LRRC56: variants seen among roughly 807,000 people sequenced by gnomAD.
The protein encoded by LRRC56 is leucine rich repeat containing 56.
Under a neutral mutation model 47.8 loss-of-function variants are expected in LRRC56, and 41 were observed. The observed-to-expected ratio is 0.86, with a 90% CI of 0.67 to 1.11. The LOEUF is 1.11. Among genes scored for constraint, LRRC56 ranks in the 50% most tolerant of loss-of-function variants. LRRC56 has a pLI of 0.00. For missense variants in LRRC56, 759 were observed against 704.2 expected (o/e 1.08, Z -0.88); for synonymous variants, 387 against 311.2 (o/e 1.24, Z -2.56).
chr11:540,439 G>T (rs1357150733), intron 3 of LRRC56, among the ~76,000 whole-genome samples: 1 of 152,164 alleles, frequency 6.6e-6, no homozygotes, highest in Non-Finnish European at 1.5e-5. Context: ...AAGCAGAGGG[G>T]GTCGAGCCAA....
At chr11:533,794 T>C, upstream of LRRC56, 1 of 1,613,378 alleles carries the variant, frequency 6.2e-7, no homozygotes, top group Non-Finnish European at 8.5e-7. Flanking sequence ...TCAAAAGACT[T>C]GGTGTTGTTG....
rs1021284540 is a variant in LRRC56, at chr11:552,652, T to C, written c.1265T>C (p.Val422Ala). 1 of 1,611,676 alleles carries C rather than the reference T, an allele frequency of 6.2e-7. No individual in the cohort carries two copies. Among genetic ancestry groups the C allele is most frequent in the African/African-American group, 1.3e-5 (1 of 75,010 alleles). The stretch of plus-strand genomic sequence containing the variant: ...CCACGGAGGGTCCCTGAAGAGCAAG[T>C]GCACCAGGCAGAGCCCAAGACTCCC... ...WGPRRVPEEQ[V>A]HQAEPKTPSS... The change falls in exon 13 of 14, where the codon GTG becomes GCG. Residue 422 changes from valine to alanine, a missense_variant. Physicochemically the swap from Val to Ala is moderately conservative, Grantham distance 64. Transcript: ENST00000270115.
At chr11:519,047 C>A in the LRRC56 span, among the ~76,000 whole-genome samples, 1 of 152,258 alleles carries the variant, frequency 6.6e-6, no homozygotes, top group East Asian at 1.9e-4. Context: ...AGGGCAGCTC[C>A]CGTGTGTCCG....
the LRRC56 span, among the ~76,000 whole-genome samples, chr11:521,954 T>A: frequency 0.23 from 34,327 of 151,378 alleles, 4,252 homozygotes; most frequent in African/African-American, 0.33. Flanking sequence ...AAAACAGCTC[T>A]CATAACCCAA....
the LRRC56 span, among the ~76,000 whole-genome samples, chr11:514,348 A>G: frequency 2.6e-5 from 4 of 151,070 alleles, no homozygotes; most frequent in Admixed American, 1.3e-4. Context: ...GTGCAGTGAC[A>G]TTATCTCGGC....
the LRRC56 span, among the ~76,000 whole-genome samples, chr11:510,574 C>T: frequency 6.6e-6 from 1 of 151,960 alleles, no homozygotes; most frequent in African/African-American, 2.4e-5. Flanking sequence ...CCCGTCTCTA[C>T]TAATAATACA....
intron 6 of LRRC56, among the ~76,000 whole-genome samples, 167 bp from the exon 7 acceptor site, chr11:549,735 A>G (rs1224657678): frequency 3.9e-5 from 6 of 152,364 alleles, no homozygotes; most frequent in Admixed American, 3.9e-4. Flanking sequence ...GGTGGGGGAC[A>G]CTGTACCCAC....
chr11:552,360 G>C lies in LRRC56; in HGVS notation c.1181+128G>C, dbSNP rs924304796. The C allele has an allele frequency of 7.4e-6, 10 of 1,351,806 alleles. No homozygotes were observed. In the African/African-American group the frequency reaches 1.2e-4, roughly 16 times the overall value. The allele number at this position is 1,351,806 out of a possible 1,614,324, so 83.7% of individuals were successfully genotyped here. A position where few individuals can be genotyped will look rare whatever the true frequency, so the allele number is the denominator to read the frequency against. On this transcript the variant is annotated intron_variant, in intron 12 of 13. Coordinates refer to ENST00000270115, the MANE Select transcript of LRRC56 (RefSeq NM_198075.4). ...ACCATCCCTGCATGTCCTGTCCCGT[G>C]GGGGGATCAGGGCTGGGGCTACCTT...
chr11:552,525 TG>T, intron 12 of LRRC56, 43 bp from the exon 13 acceptor site: 1 of 1,538,472 alleles, frequency 6.5e-7, no homozygotes, highest in Non-Finnish European at 8.9e-7. Flanking sequence ...TCCTGTCCCG[TG>T]GGGGGATCAG....
the LRRC56 span, among the ~76,000 whole-genome samples, chr11:508,300 G>T: frequency 1.3e-5 from 2 of 152,188 alleles, no homozygotes; most frequent in Non-Finnish European, 2.9e-5. Flanking sequence ...CAAGTAGCTG[G>T]TACCACAGGC....
the LRRC56 span, among the ~76,000 whole-genome samples, chr11:531,034 G>C: frequency 1.7e-4 from 12 of 69,810 alleles, no homozygotes; most frequent in Middle Eastern, 7.0e-3. Context: ...GACAGAAGGG[G>C]GAGTGTGGCG....
chr11:518,847 C>T, the LRRC56 span, among the ~76,000 whole-genome samples: 1 of 151,784 alleles, frequency 6.6e-6, no homozygotes, highest in African/African-American at 2.4e-5. Flanking sequence ...GCCCCGAACG[C>T]GCGAGCGAGG....
the LRRC56 span, among the ~76,000 whole-genome samples, chr11:525,366 C>T: frequency 2.6e-5 from 4 of 151,824 alleles, no homozygotes; most frequent in Non-Finnish European, 5.9e-5. Context: ...GGTGAAGCCC[C>T]ATCTCTACTA....
upstream of LRRC56, chr11:532,881 G>T: frequency 1.1e-6 from 1 of 918,860 alleles, no homozygotes; most frequent in Non-Finnish European, 1.7e-6. Flanking sequence ...CACTTCCCCA[G>T]GCCCACCACA....
In LRRC56 at chr11:554,122, G is replaced by A. The variant is rs1419329813; in HGVS notation, c.1475G>A (p.Gly492Glu). The A allele has an allele frequency of 1.2e-6, 2 of 1,604,740 alleles. No homozygotes were observed. The highest frequency in any genetic ancestry group is 1.7e-6 in the Non-Finnish European group (2 of 1,177,822). Residue 492 changes from glycine to glutamate, a missense_variant, in exon 14 of 14, where the codon GGG becomes GAG. By Grantham distance (98) the Gly-to-Glu change is moderately conservative. Coordinates refer to ENST00000270115, the MANE Select transcript of LRRC56 (RefSeq NM_198075.4). ...AGCTGGGGGCCTGGCCTGGGTGATG[G>A]GGTGGCTGCAGTGCCTGTCCTGAGA... ...LGSWGPGLGD[G>E]VAAVPVLRAL...
At chr11:535,038 T>C (rs1418019455), upstream of LRRC56, among the ~76,000 whole-genome samples, 1 of 151,958 alleles carries the variant, frequency 6.6e-6, no homozygotes, top group African/African-American at 2.4e-5. Context: ...CCCGGCCTGG[T>C]CCGCGACCTG....
upstream of LRRC56, chr11:533,229 AC>A (rs1851215635): frequency 6.8e-7 from 1 of 1,472,464 alleles, no homozygotes; most frequent in African/African-American, 1.4e-5. Flanking sequence ...GTGAGCCCAG[AC>A]CCCGGCCCTC....
chr11:533,752 C>T (rs780757384), upstream of LRRC56: 2 of 1,613,094 alleles, frequency 1.2e-6, no homozygotes, highest in Admixed American at 1.7e-5. Context: ...CCGGGCCAGC[C>T]TCACGGGGTT....
At position 544,795 on chromosome 11, in the gene LRRC56, G is replaced by C. The variant is rs763438057; in HGVS notation, c.326+15G>C. The C allele has an allele frequency of 3.1e-6, 5 of 1,611,250 alleles. No homozygotes were observed. The highest frequency in any genetic ancestry group is 1.1e-5 in the South Asian group (1 of 91,034). Reference sequence around the variant, plus strand: ...GGCTCCCTGAGGTGAGCGCCTGAGGGGGGTGGGCTGGGGCCCTGCCATGAG... The same window carrying C: ...GGCTCCCTGAGGTGAGCGCCTGAGGCGGGTGGGCTGGGGCCCTGCCATGAG... On this transcript the variant is annotated intron_variant, in intron 6 of 13. Transcript: ENST00000270115.
Sources: allele counts gnomAD v4.1 joint callset (sites outside exome capture counted in the v4.1 genomes callset), GRCh38; gene constraint gnomAD v4.1.1; transcripts MANE v1.5; gene names NCBI Gene and HGNC (gene_info 2026-07-23, HGNC 2026-07-21).